Variants in MCM9 observed in about 807,000 individuals in gnomAD.
MCM9 encodes DNA helicase MCM9.
A neutral mutation model predicts 72.8 loss-of-function variants in MCM9; 55 were observed. The observed-to-expected ratio is 0.76, with a 90% CI of 0.61 to 0.95. The LOEUF is 0.95. MCM9 is among the 40% of genes least tolerant of loss of function. MCM9 has a pLI of 0.00. For synonymous variants in MCM9, 480 were observed against 503.4 expected (o/e 0.95, Z 0.62); for missense variants, 1,279 against 1,377.0 (o/e 0.93, Z 1.13).
At chr6:118,866,995 T>C (rs562090222) in intron 8 of MCM9, among the ~76,000 whole-genome samples, 2 of 152,032 alleles carry the variant, frequency 1.3e-5, no homozygotes, top group South Asian at 4.2e-4. Context: ...AAGAGCAACC[T>C]TGCAGGTCAG....
intron 9 of MCM9, among the ~76,000 whole-genome samples, chr6:118,832,005 G>A (rs896061830): frequency 6.6e-6 from 1 of 152,116 alleles, no homozygotes; most frequent in Non-Finnish European, 1.5e-5. Flanking sequence ...AAATCAATGC[G>A]CTTTTACTTC....
intron 5 of MCM9, chr6:118,918,503 C>T (rs1180151176): frequency 6.6e-6 from 1 of 152,212 alleles, no homozygotes. Flanking sequence ...TTTATAGGCA[C>T]ACTCGCCAAA....
At position 118,923,861 on chromosome 6, in the gene MCM9, A is replaced by G. The variant is rs1437891894; in HGVS notation, c.571T>C (p.Ser191Pro). The G allele has an allele frequency of 1.2e-6, 2 of 1,614,106 alleles. No homozygotes were observed. The highest frequency in any genetic ancestry group is 1.7e-6 in the Non-Finnish European group (2 of 1,180,050). ...SKFTCLSGLS[S>P]SPTRCRDYQE... is the part of the protein sequence containing the mutation. ...TAATCTCTACACCTGGTTGGAGACG[A>G]AGACAAGCCTGAGAGGCAAGTGAAT... is the stretch of plus-strand genomic sequence containing the variant. Residue 191 changes from serine to proline, a missense_variant, in exon 4 of 14, where the codon TCG (serine) becomes CCG (proline). Physicochemically the swap from Ser to Pro is moderately conservative, Grantham distance 74. Transcript: ENST00000619706.
chr6:118,816,483 C>G (rs529929907), intron 13 of MCM9, among the ~76,000 whole-genome samples, 189 bp from the exon 14 acceptor site: 1 of 152,136 alleles, frequency 6.6e-6, no homozygotes. Flanking sequence ...ATACAATTTA[C>G]ATACTCAGAT....
At chr6:118,857,617 C>A (rs1583450825) in intron 8 of MCM9, among the ~76,000 whole-genome samples, 4 of 101,014 alleles carry the variant, frequency 4.0e-5, no homozygotes, top group Admixed American at 2.4e-4. Context: ...AACTTCTGTC[C>A]AGACTGACCA....
Position 118,829,160 on chromosome 6 carries a change from G to A in MCM9, c.1416C>T (p.Asn472=), listed in dbSNP as rs1489540912. Residue 472 remains asparagine, a synonymous_variant, in exon 10 of 14, where the codon AAC becomes AAT. Coordinates refer to ENST00000619706, the MANE Select transcript of MCM9 (RefSeq NM_017696.3). ...TTAAGAGTGGGCTGCCGAGGGCAAT[G>A]TTCACAGACACGGACTCCTGGGGGT... is the stretch of plus-strand genomic sequence containing the variant. ...QYDPQESVSV[N]IALGSPLLSR... is the part of the protein sequence containing the mutation. 1.3e-6 allele frequency: 2 copies of A among 1,550,520 alleles called. No individual in the cohort carries two copies. Among genetic ancestry groups the A allele is most frequent in the African/African-American group, 1.4e-5 (1 of 73,050 alleles).
At chr6:118,844,840 A>G (rs1468217845) in intron 9 of MCM9, among the ~76,000 whole-genome samples, 1 of 151,634 alleles carries the variant, frequency 6.6e-6, no homozygotes, top group African/African-American at 2.4e-5. Flanking sequence ...TGACAAACAG[A>G]CTCTTGTTTT....
At chr6:118,879,264 C>T (rs1778135499) in intron 8 of MCM9, among the ~76,000 whole-genome samples, 1 of 146,832 alleles carries the variant, frequency 6.8e-6, no homozygotes, top group Admixed American at 6.8e-5. Context: ...AAAAAAAAAC[C>T]CATGATCCAA....
intron 8 of MCM9, chr6:118,894,106 A>AG (rs1239494615): frequency 8.7e-7 from 1 of 1,153,776 alleles, no homozygotes. Flanking sequence ...CGGGAGCGGG[A>AG]GCCCATCTTG....
At chr6:118,872,318 C>A (rs373907422) in intron 8 of MCM9, among the ~76,000 whole-genome samples, 850 of 139,608 alleles carry the variant, frequency 6.1e-3, no homozygotes, top group Middle Eastern at 0.011. Context: ...GACTCCATCT[C>A]AAAAAAAAAA....
chr6:118,872,607 C>T (rs569934309), intron 8 of MCM9, among the ~76,000 whole-genome samples: 4 of 151,730 alleles, frequency 2.6e-5, no homozygotes, highest in South Asian at 4.2e-4. Flanking sequence ...CTGAACAATA[C>T]ATCAAGATGC....
intron 10 of MCM9, among the ~76,000 whole-genome samples, chr6:118,828,542 C>A (rs11753816): frequency 2.6e-5 from 4 of 152,072 alleles, no homozygotes; most frequent in Non-Finnish European, 4.4e-5. Flanking sequence ...TGCACCACCA[C>A]GCCCAGCTGA....
chr6:118,906,080 C>CT (rs201352284), intron 8 of MCM9, among the ~76,000 whole-genome samples: 2,330 of 151,984 alleles, frequency 0.015, 28 homozygotes, highest in Middle Eastern at 0.044. Context: ...GAAAGTACCT[C>CT]TTTTTTTTCT....
intron 8 of MCM9, among the ~76,000 whole-genome samples, chr6:118,872,597 C>CG (rs1358024870): frequency 6.0e-5 from 9 of 150,942 alleles, no homozygotes; most frequent in Non-Finnish European, 1.3e-4. Flanking sequence ...ATACTCCAGC[C>CG]TGAACAATAC....
At chr6:118,824,342 T>C (rs1774022991) in intron 13 of MCM9, among the ~76,000 whole-genome samples, 1 of 150,394 alleles carries the variant, frequency 6.6e-6, no homozygotes, top group Non-Finnish European at 1.5e-5. Context: ...TATTTTAGTC[T>C]TTCTTTTTTT....
chr6:118,859,970 C>T (rs149752735), intron 8 of MCM9, among the ~76,000 whole-genome samples: 80 of 152,300 alleles, frequency 5.3e-4, no homozygotes, highest in East Asian at 4.6e-3. Context: ...AGGCTGAGAC[C>T]TAATCACAGG....
chr6:118,853,740 A>T (rs1776375285), intron 9 of MCM9, among the ~76,000 whole-genome samples: 1 of 152,206 alleles, frequency 6.6e-6, no homozygotes, highest in South Asian at 2.1e-4. Context: ...TCAAGGCTGC[A>T]GTGAGCTATG....
At chr6:118,927,536 C>T (rs990179855) in intron 3 of MCM9, among the ~76,000 whole-genome samples, 4 of 151,194 alleles carry the variant, frequency 2.6e-5, no homozygotes, top group South Asian at 2.1e-4. Context: ...ACCTGGGAGG[C>T]GGAGGTTGCA....
At chr6:118,843,146 T>G (rs1210933685) in intron 9 of MCM9, among the ~76,000 whole-genome samples, 1 of 152,116 alleles carries the variant, frequency 6.6e-6, no homozygotes, top group Non-Finnish European at 1.5e-5. Flanking sequence ...CTTAAGCATC[T>G]GAATAGTAGG....
Sources: allele counts gnomAD v4.1 joint callset (sites outside exome capture counted in the v4.1 genomes callset), GRCh38; gene constraint gnomAD v4.1.1; transcripts MANE v1.5; gene names NCBI Gene and HGNC (gene_info 2026-07-23, HGNC 2026-07-21).